Variants in NDUFB2 observed in about 807,000 individuals in gnomAD.
NDUFB2 encodes the protein NADH dehydrogenase [ubiquinone] 1 beta subcomplex subunit 2, mitochondrial.
Under a neutral mutation model 13.4 loss-of-function variants are expected in NDUFB2, and 13 were observed. The ratio of observed to expected loss-of-function variants is 0.97; its 90% CI spans 0.63 to 1.54. The LOEUF (loss-of-function observed/expected upper bound fraction) is 1.54. NDUFB2 is among the 40% of genes most tolerant of loss of function. The pLI, the probability that NDUFB2 is intolerant of heterozygous loss-of-function variation, is 0.00. For synonymous variants in NDUFB2, 47 were observed against 50.6 expected, an observed-to-expected ratio of 0.93 and a Z score of 0.30; for missense variants, 150 against 139.7, an observed-to-expected ratio of 1.07 and a Z score of -0.37.
chr7:140,701,579 C>A (rs1055580236), intron 1 of NDUFB2, among the ~76,000 whole-genome samples: 5 of 149,812 alleles, frequency 3.3e-5, no homozygotes, highest in Non-Finnish European at 7.4e-5. Flanking sequence ...GCAGAAGGAT[C>A]GCTTGAGCTA....
intron 2 of NDUFB2, 37 bp downstream of exon 2, chr7:140,703,047 T>G (rs767066090): frequency 1.2e-6 from 2 of 1,601,954 alleles, no homozygotes; most frequent in Non-Finnish European, 1.7e-6. Flanking sequence ...GTTTTTTGGG[T>G]GGGGGAGGGA....
chr7:140,697,082 G>C, intron 1 of NDUFB2: 1 of 589,212 alleles, frequency 1.7e-6, no homozygotes, highest in South Asian at 2.0e-5. Flanking sequence ...ATGGTAGTAG[G>C]GGCCGCCTGC....
intron 1 of NDUFB2, chr7:140,697,221 G>T: frequency 3.0e-6 from 2 of 657,348 alleles, no homozygotes; most frequent in South Asian, 3.3e-5. Context: ...GGGCGGCGGC[G>T]GTGAGGCCTA....
intron 1 of NDUFB2, among the ~76,000 whole-genome samples, chr7:140,697,787 A>G (rs1054768785): frequency 6.6e-6 from 1 of 152,116 alleles, no homozygotes; most frequent in African/African-American, 2.4e-5. Context: ...TTCCTCACCC[A>G]TTTGGCGTCC....
At chr7:140,698,525 G>A (rs1331697759) in intron 1 of NDUFB2, among the ~76,000 whole-genome samples, 4 of 152,166 alleles carry the variant, frequency 2.6e-5, no homozygotes, top group Admixed American at 1.3e-4. Context: ...GAGTAGAAGG[G>A]ATATTGTATT....
intron 1 of NDUFB2, among the ~76,000 whole-genome samples, chr7:140,699,295 A>T (rs1490343837): frequency 6.6e-6 from 1 of 152,198 alleles, no homozygotes; most frequent in Non-Finnish European, 1.5e-5. Flanking sequence ...TCCTTCTTAC[A>T]GGACTTGCTG....
At chr7:140,702,837 G>T (rs201970412) in intron 1 of NDUFB2, 29 bp from the exon 2 acceptor site, 8 of 1,612,122 alleles carry the variant, frequency 5.0e-6, no homozygotes, top group Non-Finnish European at 6.8e-6. Context: ...AATGTAGCAC[G>T]CTGTCTGCCA....
At chr7:140,698,187 G>T (rs1480476072) in intron 1 of NDUFB2, 4 of 1,352,082 alleles carry the variant, frequency 3.0e-6, no homozygotes, top group Non-Finnish European at 3.9e-6. Context: ...TGTGTGACTT[G>T]GGCAAAGACA....
At chr7:140,698,256 G>T in intron 1 of NDUFB2, 1 of 1,351,572 alleles carries the variant, frequency 7.4e-7, no homozygotes, top group Non-Finnish European at 9.8e-7. Flanking sequence ...GGGGAATGCC[G>T]ATCTTCCCTG....
intron 2 of NDUFB2, 132 bp downstream of exon 2, chr7:140,703,142 G>A: frequency 9.6e-7 from 1 of 1,040,836 alleles, no homozygotes; most frequent in East Asian, 2.4e-5. Context: ...TTTTCCATAT[G>A]TATATACAAG....
chr7:140,700,233 C>G (rs1214013517), intron 1 of NDUFB2: 1 of 151,964 alleles, frequency 6.6e-6, no homozygotes, highest in Non-Finnish European at 1.5e-5. Context: ...AAGTGATTCT[C>G]CTGCTTCAGC....
At chr7:140,698,124 GGA>G in intron 1 of NDUFB2, 1 of 1,351,750 alleles carries the variant, frequency 7.4e-7, no homozygotes, top group Non-Finnish European at 9.8e-7. Flanking sequence ...AGTCCCACAT[GGA>G]TGAAGAATCT....
At chr7:140,703,273 A>ATT (rs10597210) in intron 2 of NDUFB2, among the ~76,000 whole-genome samples, 49 of 120,316 alleles carry the variant, frequency 4.1e-4, no homozygotes, top group South Asian at 5.4e-4. Context: ...CTAAAAGCTC[A>ATT]TTTTTTTTTT....
intron 3 of NDUFB2, chr7:140,706,109 T>TGTTATGTTATGTTA (rs74407883): frequency 2.0e-5 from 3 of 151,704 alleles, no homozygotes; most frequent in African/African-American, 7.3e-5. Flanking sequence ...TGTTATGTTA[T>TGTTATGTTATGTTA]TTGAGACAGG....
chr7:140,701,936 A>G, intron 1 of NDUFB2: 1 of 615,346 alleles, frequency 1.6e-6, no homozygotes, highest in East Asian at 2.9e-5. Context: ...ACTCTCGCAA[A>G]CAAACAAACA....
At chr7:140,697,903 T>C (rs1477435352) in intron 1 of NDUFB2, among the ~76,000 whole-genome samples, 1 of 152,140 alleles carries the variant, frequency 6.6e-6, no homozygotes, top group Non-Finnish European at 1.5e-5. Context: ...GGCGCGATCC[T>C]AGCTCACTGC....
Position 140,702,895 on chromosome 7 carries a change from G to T in NDUFB2, c.128G>T (p.Arg43Leu), listed in dbSNP as rs765131067. 1.2e-6 allele frequency: 2 copies of T among 1,614,028 alleles called. No homozygotes were observed. Among genetic ancestry groups the T allele is most frequent in the East Asian group, 2.2e-5 (1 of 44,876 alleles). ...GGTGGTGGTGTGCACATTGAGCCCC[G>T]GTATAGACAGTTCCCCCAGCTGACC... ...HAGGGVHIEPRYRQFPQLTRS... is the reference protein window; with the variant it reads ...HAGGGVHIEPLYRQFPQLTRS... Residue 43 changes from arginine to leucine, a missense_variant, in exon 2 of 4, where the codon CGG (arginine) becomes CTG (leucine). Transcript: ENST00000247866.
At chr7:140,705,028 T>C in intron 3 of NDUFB2, 65 bp downstream of exon 3, 1 of 898,234 alleles carries the variant, frequency 1.1e-6, no homozygotes, top group South Asian at 2.3e-5. Context: ...GTTTTTACTT[T>C]GTGCCTATGA....
intron 2 of NDUFB2, among the ~76,000 whole-genome samples, chr7:140,704,634 G>A (rs1394394784): frequency 6.6e-6 from 1 of 152,106 alleles, no homozygotes; most frequent in Non-Finnish European, 1.5e-5. Flanking sequence ...GGCTTAGGCT[G>A]GTACCTCCAA....
Sources: allele counts gnomAD v4.1 joint callset (sites outside exome capture counted in the v4.1 genomes callset), GRCh38; gene constraint gnomAD v4.1.1; transcripts MANE v1.5; gene names NCBI Gene and HGNC (gene_info 2026-07-23, HGNC 2026-07-21).